Variants in AGBL4 observed in about 807,000 individuals in gnomAD.
AGBL4 encodes the protein AGBL carboxypeptidase 4.
Under a neutral mutation model 66.4 loss-of-function variants are expected in AGBL4, and 58 were observed. The ratio of observed to expected loss-of-function variants is 0.87; its 90% CI spans 0.71 to 1.09. The LOEUF (loss-of-function observed/expected upper bound fraction) is 1.09. Ranked by LOEUF, AGBL4 falls within the 50% of genes least tolerant of loss-of-function variation. The pLI is 0.00. For missense variants in AGBL4, 579 were observed against 631.0 expected, an observed-to-expected ratio of 0.92 and a Z score of 0.88; for synonymous variants, 234 against 222.9, an observed-to-expected ratio of 1.05 and a Z score of -0.44.
chr1:49,372,526 C>A (rs1350008154), intron 3 of AGBL4, among the ~76,000 whole-genome samples: 1 of 152,142 alleles, frequency 6.6e-6, no homozygotes, highest in Non-Finnish European at 1.5e-5. Flanking sequence ...TCTATTTTCC[C>A]TGCTACTGAT....
rs1180757930 is a variant in AGBL4, at chr1:49,407,099, CA to C, written c.283-161236del. ...AAAAAAAAAAAAAAAAAAGAAAGGACAAATTTTTTTCTTTTTACCTATTGTA... is the reference window on the plus strand; with the variant it reads ...AAAAAAAAAAAAAAAAAAGAAAGGACAATTTTTTTCTTTTTACCTATTGTA... On this transcript the variant is annotated intron_variant, in intron 3 of 13. Transcript: ENST00000371839. Among the ~76,000 whole-genome samples, 14 of 123,326 alleles carry C rather than the reference CA, an allele frequency of 1.1e-4. No homozygotes were observed. In the Admixed American group the frequency reaches 1.1e-3, roughly 10 times the overall value. The allele number at this position is 123,326 out of a possible 152,430, so 80.9% of individuals were successfully genotyped here.
At chr1:48,987,231 T>G (rs924491003) in intron 5 of AGBL4, among the ~76,000 whole-genome samples, 8 of 151,870 alleles carry the variant, frequency 5.3e-5, no homozygotes, top group African/African-American at 1.9e-4. Flanking sequence ...ATCAGAGATT[T>G]ACAGATTAGA....
chr1:49,325,800 GTC>G (rs1645218186), intron 3 of AGBL4, among the ~76,000 whole-genome samples: 1 of 152,184 alleles, frequency 6.6e-6, no homozygotes, highest in Admixed American at 6.5e-5. Context: ...TAGCACCATC[GTC>G]TTGGTGCTAT....
chr1:49,475,535 T>C (rs1208804621), intron 3 of AGBL4, among the ~76,000 whole-genome samples: 1 of 152,056 alleles, frequency 6.6e-6, no homozygotes, highest in South Asian at 2.1e-4. Context: ...TCAGGTAAAA[T>C]TGGCTGTGAA....
At chr1:49,137,037 C>G (rs1017051696) in intron 4 of AGBL4, among the ~76,000 whole-genome samples, 2 of 152,080 alleles carry the variant, frequency 1.3e-5, no homozygotes, top group East Asian at 1.9e-4. Flanking sequence ...TGAACTGGAC[C>G]AATTCAATGA....
At chr1:50,016,877 C>T (rs1321282486) in intron 1 of AGBL4, among the ~76,000 whole-genome samples, 1 of 152,144 alleles carries the variant, frequency 6.6e-6, no homozygotes, top group African/African-American at 2.4e-5. Flanking sequence ...GTAGAAAGCA[C>T]TTTGGAGATT....
At chr1:48,704,544 C>T (rs2148510182) in intron 6 of AGBL4, among the ~76,000 whole-genome samples, 1 of 152,208 alleles carries the variant, frequency 6.6e-6, no homozygotes, top group African/African-American at 2.4e-5. Flanking sequence ...AAGCTTTTTT[C>T]CATGTTTAAA....
chr1:49,210,986 T>C (rs1375429975), intron 4 of AGBL4, among the ~76,000 whole-genome samples: 1 of 152,088 alleles, frequency 6.6e-6, no homozygotes, highest in African/African-American at 2.4e-5. Context: ...GATGTTGCCC[T>C]CTCCTCTTTA....
At chr1:48,816,799 A>G (rs1202604276) in intron 6 of AGBL4, among the ~76,000 whole-genome samples, 1 of 152,204 alleles carries the variant, frequency 6.6e-6, no homozygotes, top group Non-Finnish European at 1.5e-5. Flanking sequence ...AGCGTCCACA[A>G]TCTAATGAAG....
chr1:49,171,879 A>G (rs1219601289), intron 4 of AGBL4, among the ~76,000 whole-genome samples: 1 of 152,208 alleles, frequency 6.6e-6, no homozygotes, highest in Non-Finnish European at 1.5e-5. Context: ...TACTAGACTA[A>G]GAGCTAAACA....
chr1:49,976,085 C>A (rs967324101), intron 1 of AGBL4, among the ~76,000 whole-genome samples: 5 of 152,166 alleles, frequency 3.3e-5, no homozygotes, highest in Non-Finnish European at 7.3e-5. Flanking sequence ...GCTAATTTCA[C>A]CAGTTCCTTC....
At chr1:48,976,450 G>A (rs1161072301) in intron 5 of AGBL4, among the ~76,000 whole-genome samples, 5 of 152,092 alleles carry the variant, frequency 3.3e-5, no homozygotes, top group African/African-American at 1.2e-4. Flanking sequence ...CATAATGAAG[G>A]GGCAGTGATT....
intron 2 of AGBL4, among the ~76,000 whole-genome samples, chr1:49,833,568 G>A (rs1490225199): frequency 6.0e-5 from 9 of 151,236 alleles, no homozygotes; most frequent in African/African-American, 1.7e-4. Context: ...CATTGAATCT[G>A]TAAATTACCT....
chr1:49,199,312 C>T (rs185819443), intron 4 of AGBL4, among the ~76,000 whole-genome samples: 11 of 152,274 alleles, frequency 7.2e-5, no homozygotes, highest in Admixed American at 7.2e-4. Flanking sequence ...AGCAAGACTA[C>T]TTTTGTATCT....
intron 6 of AGBL4, among the ~76,000 whole-genome samples, chr1:48,850,607 T>C (rs4926766): frequency 0.9 from 137,048 of 151,834 alleles, 62,197 homozygotes; most frequent in Non-Finnish European, 0.96. Flanking sequence ...TCACTGCAAC[T>C]TCAACTTCCC....
chr1:48,786,694 G>T, intron 6 of AGBL4, among the ~76,000 whole-genome samples: 1 of 152,102 alleles, frequency 6.6e-6, no homozygotes, highest in East Asian at 1.9e-4. Context: ...GCTCTTTGAG[G>T]TTACCAACTG....
At chr1:49,767,997 AG>A (rs1184380101) in intron 2 of AGBL4, among the ~76,000 whole-genome samples, 1 of 151,174 alleles carries the variant, frequency 6.6e-6, no homozygotes, top group Non-Finnish European at 1.5e-5. Context: ...AAAAAAAAAA[AG>A]GATCTCAAAG....
At chr1:49,403,209 G>C (rs555158971) in intron 3 of AGBL4, among the ~76,000 whole-genome samples, 4 of 152,134 alleles carry the variant, frequency 2.6e-5, no homozygotes, top group Non-Finnish European at 5.9e-5. Context: ...CTCTTGCTGA[G>C]TTGATTCCTT....
chr1:49,517,946 A>T (rs186438609), intron 3 of AGBL4, among the ~76,000 whole-genome samples: 206 of 152,058 alleles, frequency 1.4e-3, no homozygotes, highest in African/African-American at 4.7e-3. Context: ...TTTATCAATA[A>T]TCTCCCTACC....
Sources: gnomAD v4.1 joint callset for allele counts (sites outside exome capture counted in the v4.1 genomes callset) on GRCh38, gnomAD v4.1.1 for gene constraint, MANE v1.5 for transcripts, NCBI Gene and HGNC (gene_info 2026-07-23, HGNC 2026-07-21) for gene names.